CCDC102B: variants seen among roughly 807,000 people sequenced by gnomAD.
The protein encoded by CCDC102B is coiled-coil domain containing 102B.
In CCDC102B, 75 loss-of-function variants were observed where a neutral mutation model predicts 57.4. The ratio of observed to expected loss-of-function variants is 1.31; its 90% CI spans 1.08 to 1.58. The LOEUF is 1.58. Among genes scored for constraint, CCDC102B ranks in the 40% most tolerant of loss-of-function variants. The pLI is 0.00. For missense variants in CCDC102B, 636 were observed against 582.6 expected (o/e 1.09, Z -0.94); for synonymous variants, 206 against 201.9 (o/e 1.02, Z -0.17).
chr18:68,892,079 A>C (rs1047931699), intron 5 of CCDC102B, among the ~76,000 whole-genome samples: 7 of 152,258 alleles, frequency 4.6e-5, no homozygotes, highest in African/African-American at 1.7e-4. Flanking sequence ...TAAAAATCCA[A>C]GCTTTTGGGT....
chr18:68,867,342 C>T (rs1456743339), intron 4 of CCDC102B, among the ~76,000 whole-genome samples: 1 of 152,162 alleles, frequency 6.6e-6, no homozygotes, highest in Non-Finnish European at 1.5e-5. Context: ...TTTTCCTGCC[C>T]ACAGCTTGCC....
intron 6 of CCDC102B, among the ~76,000 whole-genome samples, chr18:68,907,268 A>G (rs1422467991): frequency 6.6e-6 from 1 of 151,604 alleles, no homozygotes; most frequent in Non-Finnish European, 1.5e-5. Context: ...TTTCAATTTC[A>G]TTTTGGATAT....
rs556492141 is a variant in CCDC102B, at chr18:68,717,939, G to A, written c.-67+1345G>A. 3.9e-5 allele frequency: 6 copies of A among 152,296 alleles called. No homozygotes were observed. In the East Asian group the frequency reaches 1.2e-3, roughly 29 times the overall value. 9.4% of individuals were successfully genotyped at this position (152,296 alleles called of 1,614,324 possible). On this transcript the variant is annotated intron_variant, in intron 2 of 3. Coordinates refer to the CCDC102B transcript ENST00000578970. ...CATGAGGTGGAATCCTCATGAATGT[G>A]ATTAGAGACCTTATAAAAGAGATTG...
chr18:68,951,786 C>A (rs1362284492), intron 6 of CCDC102B, among the ~76,000 whole-genome samples: 9 of 149,770 alleles, frequency 6.0e-5, no homozygotes, highest in Non-Finnish European at 1.2e-4. Context: ...CCAGCCTGGG[C>A]AACAGAGTGA....
intron 6 of CCDC102B, among the ~76,000 whole-genome samples, chr18:68,906,243 G>C (rs552436333): frequency 6.6e-6 from 1 of 152,100 alleles, no homozygotes; most frequent in Admixed American, 6.5e-5. Context: ...ATGTTGAGTC[G>C]TTTCTACCTC....
At chr18:68,910,334 A>T (rs1481779749) in intron 6 of CCDC102B, among the ~76,000 whole-genome samples, 1 of 152,186 alleles carries the variant, frequency 6.6e-6, no homozygotes, top group Admixed American at 6.6e-5. Flanking sequence ...AACAAAAATC[A>T]ATTAGGTATG....
chr18:68,906,320 T>C (rs2040641508), intron 6 of CCDC102B, among the ~76,000 whole-genome samples: 1 of 152,132 alleles, frequency 6.6e-6, no homozygotes, highest in Non-Finnish European at 1.5e-5. Context: ...CTGTTTTCAG[T>C]TATTTGGGGT....
intron 6 of CCDC102B, chr18:68,900,386 C>A (rs954632110): frequency 6.6e-6 from 1 of 152,094 alleles, no homozygotes; most frequent in African/African-American, 2.4e-5. Flanking sequence ...GATGCTTGAT[C>A]ATTAGAATGT....
chr18:68,798,802 A>G (rs545533776), intron 1 of CCDC102B, among the ~76,000 whole-genome samples: 1 of 152,270 alleles, frequency 6.6e-6, no homozygotes, highest in East Asian at 1.9e-4. Context: ...ATGCTTAGCT[A>G]TATAGAAGTA....
intron 6 of CCDC102B, among the ~76,000 whole-genome samples, chr18:68,996,469 G>A (rs991591243): frequency 9.9e-5 from 15 of 152,252 alleles, no homozygotes; most frequent in Middle Eastern, 6.8e-3. Context: ...TTTACCTTGT[G>A]ATCATGTGAG....
chr18:68,864,933 T>C (rs1271881160), intron 4 of CCDC102B, among the ~76,000 whole-genome samples: 1 of 152,092 alleles, frequency 6.6e-6, no homozygotes, highest in African/African-American at 2.4e-5. Context: ...ATCTGGATTA[T>C]TTCTTTTCTC....
intron 6 of CCDC102B, among the ~76,000 whole-genome samples, chr18:68,995,332 T>C (rs2145338403): frequency 6.6e-6 from 1 of 152,278 alleles, no homozygotes; most frequent in East Asian, 1.9e-4. Flanking sequence ...TGAATGTTAA[T>C]TGCCAAAACA....
intron 6 of CCDC102B, among the ~76,000 whole-genome samples, chr18:68,995,357 T>A (rs558557847): frequency 2.1e-4 from 32 of 152,218 alleles, no homozygotes; most frequent in Non-Finnish European, 3.7e-4. Context: ...GGAGAATGTC[T>A]CCAGGGCATG....
At chr18:68,964,931 T>C (rs1004745095) in intron 6 of CCDC102B, among the ~76,000 whole-genome samples, 6 of 152,044 alleles carry the variant, frequency 3.9e-5, no homozygotes, top group African/African-American at 1.4e-4. Flanking sequence ...CTTTCTGGTT[T>C]CTTATAAGAA....
At chr18:68,911,501 C>T (rs112324361) in intron 6 of CCDC102B, among the ~76,000 whole-genome samples, 20,745 of 150,532 alleles carry the variant, frequency 0.14, 1,556 homozygotes, top group African/African-American at 0.17. Context: ...GCCTGTAATC[C>T]CAGCACTTTG....
At chr18:69,051,093 C>T (rs1279133439) in intron 7 of CCDC102B, among the ~76,000 whole-genome samples, 3 of 152,088 alleles carry the variant, frequency 2.0e-5, no homozygotes, top group Non-Finnish European at 2.9e-5. Flanking sequence ...CTACATTGTC[C>T]AGGCAGGTCT....
intron 1 of CCDC102B, among the ~76,000 whole-genome samples, chr18:68,835,732 C>A (rs12454464): frequency 0.18 from 27,681 of 152,212 alleles, 2,694 homozygotes; most frequent in Non-Finnish European, 0.23. Flanking sequence ...CTCTTATCTT[C>A]ATGATTCACC....
At chr18:68,920,871 G>A (rs1194942779) in intron 6 of CCDC102B, among the ~76,000 whole-genome samples, 2 of 152,116 alleles carry the variant, frequency 1.3e-5, no homozygotes, top group Non-Finnish European at 2.9e-5. Flanking sequence ...TGGGGTTTAT[G>A]AGGGTTATAA....
chr18:68,751,317 A>C (rs570215192), intron 2 of CCDC102B, among the ~76,000 whole-genome samples: 13 of 152,180 alleles, frequency 8.5e-5, no homozygotes, highest in Admixed American at 8.5e-4. Flanking sequence ...GTTTAAAGGC[A>C]CCTCACTTAA....
Sources: gnomAD v4.1 joint callset for allele counts (sites outside exome capture counted in the v4.1 genomes callset) on GRCh38, gnomAD v4.1.1 for gene constraint, MANE v1.5 for transcripts, NCBI Gene and HGNC (gene_info 2026-07-23, HGNC 2026-07-21) for gene names.